Variants in ABTB2 observed in about 807,000 individuals in gnomAD.
The protein encoded by ABTB2 is ankyrin repeat and BTB domain containing 2, also known as ankyrin repeat and BTB/POZ domain-containing protein 2.
ABTB2 carries 56 observed loss-of-function variants against 104.1 expected under a neutral mutation model. That is an observed-to-expected ratio of 0.54 (90% CI 0.43 to 0.67). The LOEUF (loss-of-function observed/expected upper bound fraction) is 0.67, where lower values mean the gene tolerates loss of function less well. Among genes scored for constraint, ABTB2 ranks in the 30% least tolerant of loss-of-function variants. The pLI, the probability that ABTB2 is intolerant of heterozygous loss-of-function variation, is 0.00. For synonymous variants in ABTB2, 606 were observed against 608.2 expected (o/e 1.00, Z 0.05); for missense variants, 1,279 against 1,407.7 (o/e 0.91, Z 1.46).
Position 34,154,884 on chromosome 11 carries a change from G to T in ABTB2, c.2698-115C>A. ...CCTCCAGGGGCCTGTCCCTCTGCAGGTCCCCAGCTCTGTCTCTCCCTCCCT... is the reference window on the plus strand; with the variant it reads ...CCTCCAGGGGCCTGTCCCTCTGCAGTTCCCCAGCTCTGTCTCTCCCTCCCT... On this transcript the variant is annotated intron_variant, in intron 14 of 16. Coordinates refer to ENST00000435224, the MANE Select transcript of ABTB2 (RefSeq NM_145804.3). This position sits in a 1 kb window ranked among gnomAD's most constrained non-coding sequence, Gnocchi z 4.9. 1 of 990,328 alleles carries T rather than the reference G, an allele frequency of 1.0e-6. No individual in the cohort carries two copies. Among genetic ancestry groups the T allele is most frequent in the South Asian group, 1.5e-5 (1 of 66,808 alleles). 61.3% of individuals were successfully genotyped at this position (990,328 alleles called of 1,614,324 possible). A position where few individuals can be genotyped will look rare whatever the true frequency, so the allele number is the denominator to read the frequency against.
chr11:34,306,181 C>T (rs1192206763), intron 1 of ABTB2, among the ~76,000 whole-genome samples: 1 of 150,086 alleles, frequency 6.7e-6, no homozygotes, highest in South Asian at 2.1e-4. Flanking sequence ...GTAGACCCAA[C>T]AGGGGAGGAC....
intron 1 of ABTB2, among the ~76,000 whole-genome samples, chr11:34,293,115 T>A (rs1029797649): frequency 1.3e-5 from 2 of 151,908 alleles, no homozygotes; most frequent in East Asian, 3.9e-4. Context: ...GAGGGCAGAG[T>A]TGACAGGCTG....
At chr11:34,193,813 C>T (rs1162210458) in intron 3 of ABTB2, among the ~76,000 whole-genome samples, 4 of 152,238 alleles carry the variant, frequency 2.6e-5, no homozygotes, top group African/African-American at 7.2e-5. Flanking sequence ...AGGCTCACTG[C>T]AGGAGTAGAT....
chr11:34,314,511 G>A (rs1854900821), intron 1 of ABTB2, among the ~76,000 whole-genome samples: 1 of 152,206 alleles, frequency 6.6e-6, no homozygotes, highest in Non-Finnish European at 1.5e-5. Flanking sequence ...CCTACCATGT[G>A]ACACACCTGT....
chr11:34,285,129 G>A (rs1854488868), intron 1 of ABTB2, among the ~76,000 whole-genome samples: 1 of 152,194 alleles, frequency 6.6e-6, no homozygotes, highest in African/African-American at 2.4e-5. Context: ...GGGGCTGTCA[G>A]GCAATCCAGG....
intron 1 of ABTB2, among the ~76,000 whole-genome samples, chr11:34,288,752 ACTCCT>A (rs56088283): frequency 0.71 from 107,019 of 150,954 alleles, 38,024 homozygotes; most frequent in South Asian, 0.84. Flanking sequence ...TGCAGAAATC[ACTCCT>A]CTCCTGGGTG....
chr11:34,336,823 A>G (rs1855197802), intron 1 of ABTB2, among the ~76,000 whole-genome samples: 1 of 152,092 alleles, frequency 6.6e-6, no homozygotes, highest in Admixed American at 6.5e-5. Context: ...ACTGGTAATC[A>G]TCATCACCAT....
chr11:34,174,005 C>T (rs1473984377), intron 3 of ABTB2, among the ~76,000 whole-genome samples: 1 of 152,132 alleles, frequency 6.6e-6, no homozygotes, highest in Non-Finnish European at 1.5e-5. Context: ...CTTCGTGTGC[C>T]AGGCCAGGTT....
chr11:34,298,169 AAACT>A lies in ABTB2; in HGVS notation c.883+58528_883+58531del, dbSNP rs549657997. 4.6e-5 allele frequency among the ~76,000 whole-genome samples: 7 copies of A among 152,044 alleles called. No individual in the cohort carries two copies. The South Asian group carries it at 1.5e-3, about 32-fold the overall frequency. On this transcript the variant is annotated intron_variant, in intron 1 of 16. Transcript: ENST00000435224. ...ACAGACTAAGACACTCAGAGAAACC[AAACT>A]GACTTGCCCAAGATCTCACTTGGTG...
intron 1 of ABTB2, among the ~76,000 whole-genome samples, chr11:34,310,401 T>A (rs1329164259): frequency 6.6e-6 from 1 of 152,056 alleles, no homozygotes; most frequent in Admixed American, 6.6e-5. Flanking sequence ...GAGTTTCGAA[T>A]CAACTTCCAA....
intron 1 of ABTB2, among the ~76,000 whole-genome samples, chr11:34,205,379 C>A (rs1853396810): frequency 6.6e-6 from 1 of 152,126 alleles, no homozygotes; most frequent in African/African-American, 2.4e-5. Context: ...CAGAATCAAT[C>A]CCAGAGGGTG....
intron 1 of ABTB2, among the ~76,000 whole-genome samples, chr11:34,320,880 G>T (rs1281859416): frequency 1.3e-5 from 2 of 152,028 alleles, no homozygotes; most frequent in Non-Finnish European, 2.9e-5. Context: ...TTTACTTTGC[G>T]CCATTTAAAG....
chr11:34,310,623 A>G (rs1458887219), intron 1 of ABTB2, among the ~76,000 whole-genome samples: 2 of 152,012 alleles, frequency 1.3e-5, no homozygotes, highest in African/African-American at 4.8e-5. Context: ...TTTCAGCCTC[A>G]GGGCCCCTCA....
chr11:34,158,792 C>T lies in ABTB2; in HGVS notation c.2697+504G>A, dbSNP rs145712560. ...ATCTACAGTCAGGATGTGTGCCTCACGGCCACGTGTTTGACCAATGTGGCC... is the reference window on the plus strand; with the variant it reads ...ATCTACAGTCAGGATGTGTGCCTCATGGCCACGTGTTTGACCAATGTGGCC... On this transcript the variant is annotated intron_variant, in intron 14 of 16. Coordinates refer to ENST00000435224, the MANE Select transcript of ABTB2 (RefSeq NM_145804.3). 1.4e-3 allele frequency among the ~76,000 whole-genome samples: 217 copies of T among 152,370 alleles called. 1 individual carries two copies. Among genetic ancestry groups the T allele is most frequent in the Non-Finnish European group, 2.6e-3 (174 of 68,034 alleles).
intron 1 of ABTB2, among the ~76,000 whole-genome samples, chr11:34,323,766 A>C (rs549050480): frequency 6.6e-6 from 1 of 152,316 alleles, no homozygotes; most frequent in Non-Finnish European, 1.5e-5. Flanking sequence ...CTCCAGGGCC[A>C]AATTAGCACC....
chr11:34,187,463 G>C (rs1008565189), intron 3 of ABTB2, among the ~76,000 whole-genome samples: 9 of 150,994 alleles, frequency 6.0e-5, no homozygotes, highest in African/African-American at 1.9e-4. Context: ...CAAGCCTTCT[G>C]TGATGTGGTC....
rs1438709889 is a variant in ABTB2, at chr11:34,151,994, G to A, written c.*393C>T. ...ATTCATAAGGATTCCTGTACCCCCA[G>A]GAGCCCCAGTTGGGATGGTCTGAGT... On this transcript the variant is annotated 3_prime_UTR_variant, in exon 17 of 17. Transcript: ENST00000435224. 8.6e-6 allele frequency: 2 copies of A among 233,600 alleles called. No homozygotes were observed. The highest frequency in any genetic ancestry group is 1.7e-5 in the Non-Finnish European group (2 of 118,218). 14.5% of individuals were successfully genotyped at this position (233,600 alleles called of 1,614,324 possible). A position where few individuals can be genotyped will look rare whatever the true frequency, so the allele number is the denominator to read the frequency against.
intron 1 of ABTB2, among the ~76,000 whole-genome samples, chr11:34,242,138 G>C (rs1416625903): frequency 6.6e-6 from 1 of 152,212 alleles, no homozygotes; most frequent in Non-Finnish European, 1.5e-5. Context: ...ACAGAAGAGT[G>C]GGCTTTTGCC....
At chr11:34,324,509 G>A (rs1289784599) in intron 1 of ABTB2, among the ~76,000 whole-genome samples, 1 of 152,164 alleles carries the variant, frequency 6.6e-6, no homozygotes, top group Non-Finnish European at 1.5e-5. Flanking sequence ...AAAAACAGGT[G>A]CCAGTTAGAC....
Sources: allele counts gnomAD v4.1 joint callset (sites outside exome capture counted in the v4.1 genomes callset), GRCh38; gene constraint gnomAD v4.1.1; non-coding constraint Gnocchi (gnomAD v3.1); transcripts MANE v1.5; gene names NCBI Gene and HGNC (gene_info 2026-07-23, HGNC 2026-07-21).